BAIAP2L1: variants seen among roughly 807,000 people sequenced by gnomAD.
BAIAP2L1 encodes BAR/IMD domain-containing adapter protein 2-like 1.
In BAIAP2L1, 35 loss-of-function variants were observed where a neutral mutation model predicts 66.3. That is an observed-to-expected ratio of 0.53 (90% CI 0.40 to 0.70). The LOEUF (loss-of-function observed/expected upper bound fraction) is 0.70, where lower values mean the gene tolerates loss of function less well. Among genes scored for constraint, BAIAP2L1 ranks in the 30% least tolerant of loss-of-function variants. The pLI is 0.00. For synonymous variants in BAIAP2L1, 269 were observed against 248.7 expected (o/e 1.08, Z -0.77); for missense variants, 622 against 656.9 (o/e 0.95, Z 0.58).
intron 12 of BAIAP2L1, 133 bp from the exon 13 acceptor site, chr7:98,294,244 T>G: frequency 1.1e-6 from 1 of 880,820 alleles, no homozygotes; most frequent in East Asian, 2.7e-5. Context: ...CCTTCCACCT[T>G]GGCCTCCTAA....
At chr7:98,353,858 A>G (rs1802060348) in intron 3 of BAIAP2L1, among the ~76,000 whole-genome samples, 1 of 150,530 alleles carries the variant, frequency 6.6e-6, no homozygotes, top group Non-Finnish European at 1.5e-5. Flanking sequence ...GCTACTTAGG[A>G]GGCTGAGGCA....
intron 1 of BAIAP2L1, chr7:98,386,653 G>A: frequency 1.1e-6 from 1 of 893,180 alleles, no homozygotes; most frequent in Non-Finnish European, 1.6e-6. Context: ...ACTTTTTTTT[G>A]TCTCTCATCG....
intron 10 of BAIAP2L1, 67 bp downstream of exon 10, chr7:98,307,622 C>T: frequency 6.3e-7 from 1 of 1,592,150 alleles, no homozygotes; most frequent in South Asian, 1.1e-5. Flanking sequence ...AGACAGTTTG[C>T]AGCTTGGCTG....
intron 3 of BAIAP2L1, among the ~76,000 whole-genome samples, chr7:98,343,278 C>CACAG (rs1159972514): frequency 1.3e-5 from 2 of 150,214 alleles, no homozygotes; most frequent in African/African-American, 4.9e-5. Context: ...CACACACACA[C>CACAG]ACACACACAG....
At chr7:98,302,675 A>G (rs1800477402) in intron 12 of BAIAP2L1, among the ~76,000 whole-genome samples, 2 of 152,230 alleles carry the variant, frequency 1.3e-5, no homozygotes, top group South Asian at 4.1e-4. Flanking sequence ...AGAGACTGCT[A>G]AGGACAAGAG....
chr7:98,335,059 A>T (rs1374024515), intron 3 of BAIAP2L1, among the ~76,000 whole-genome samples: 1 of 148,184 alleles, frequency 6.7e-6, no homozygotes, highest in Non-Finnish European at 1.5e-5. Flanking sequence ...AGTCTGAGGC[A>T]GGAGAATGGT....
At position 98,292,743 on chromosome 7, in the gene BAIAP2L1, A is replaced by G; in HGVS notation, c.*778T>C. ...AGCAGTTTGAGTGTACTGGTAATGG[A>G]TGCAGCTTTGGCCAACTAGCTGAGT... On this transcript the variant is annotated 3_prime_UTR_variant, in exon 14 of 14. Transcript: ENST00000005260. 6.4e-7 allele frequency: 1 copy of G among 1,551,280 alleles called. No individual in the cohort carries two copies. Among genetic ancestry groups the G allele is most frequent in the Non-Finnish European group, 8.7e-7 (1 of 1,146,776 alleles).
At chr7:98,310,182 AG>A in intron 9 of BAIAP2L1, 1 of 399,570 alleles carries the variant, frequency 2.5e-6, no homozygotes, top group Non-Finnish European at 4.4e-6. Flanking sequence ...AATTCTCAAC[AG>A]TATGTTTACT....
At chr7:98,328,608 A>G (rs1170786662) in intron 3 of BAIAP2L1, among the ~76,000 whole-genome samples, 1 of 147,786 alleles carries the variant, frequency 6.8e-6, no homozygotes, top group African/African-American at 2.5e-5. Context: ...GCTACTTGGG[A>G]GGCTGAGGTG....
intron 7 of BAIAP2L1, among the ~76,000 whole-genome samples, chr7:98,314,053 T>C (rs1275132774): frequency 1.4e-5 from 2 of 145,794 alleles, no homozygotes; most frequent in South Asian, 4.4e-4. Context: ...TGGTGTGATC[T>C]GGGCTCACTG....
chr7:98,333,200 C>T (rs1801539999), intron 3 of BAIAP2L1, among the ~76,000 whole-genome samples: 2 of 152,262 alleles, frequency 1.3e-5, no homozygotes, highest in South Asian at 4.1e-4. Context: ...GTTTATCTGT[C>T]CACCCCACTA....
Position 98,292,479 on chromosome 7 carries a change from C to A in BAIAP2L1, c.*1042G>T. On this transcript the variant is annotated 3_prime_UTR_variant, in exon 14 of 14. Coordinates refer to ENST00000005260, the MANE Select transcript of BAIAP2L1 (RefSeq NM_018842.5). ...CCTGGGCCGGGCTGGGAATTTTAAC[C>A]ATGACTCTCCACTCCAAAATAGGTC... 1 of 698,790 alleles carries A rather than the reference C, an allele frequency of 1.4e-6. No individual in the cohort carries two copies. Among genetic ancestry groups the A allele is most frequent in the Non-Finnish European group, 2.4e-6 (1 of 417,962 alleles). The allele number at this position is 698,790 out of a possible 1,614,324, so 43.3% of individuals were successfully genotyped here.
intron 2 of BAIAP2L1, among the ~76,000 whole-genome samples, chr7:98,360,788 G>A (rs1802252140): frequency 6.6e-6 from 1 of 152,162 alleles, no homozygotes; most frequent in African/African-American, 2.4e-5. Flanking sequence ...TGGAGGACAG[G>A]GGCACTTGCA....
chr7:98,366,469 T>A (rs999460747), intron 1 of BAIAP2L1, among the ~76,000 whole-genome samples: 2 of 152,104 alleles, frequency 1.3e-5, no homozygotes, highest in Admixed American at 6.6e-5. Context: ...TCCATCAGAC[T>A]CCTTTCCCCA....
At chr7:98,399,452 A>T (rs893863533) in intron 1 of BAIAP2L1, among the ~76,000 whole-genome samples, 2 of 152,180 alleles carry the variant, frequency 1.3e-5, no homozygotes, top group Non-Finnish European at 2.9e-5. Context: ...AAAACCCAGA[A>T]ACTAAAATTT....
Position 98,307,795 on chromosome 7 carries a change from C to T in BAIAP2L1, c.1057G>A (p.Gly353Ser). ...AAGCTGAGTAAGGTCTTGTTGGAGC[C>T]CGCAGTGTGCGGGAAGATGGTCTTC... ...KVKTIFPHTAGSNKTLLSFAQ... is the reference protein window; with the variant it reads ...KVKTIFPHTASSNKTLLSFAQ... Residue 353 changes from glycine to serine, a missense_variant, in exon 10 of 14, where the codon GGC becomes AGC. Physicochemically the swap from Gly to Ser is moderately conservative, Grantham distance 56. Transcript: ENST00000005260. 2 of 1,614,256 alleles carry T rather than the reference C, an allele frequency of 1.2e-6. No homozygotes were observed. Among genetic ancestry groups the T allele is most frequent in the South Asian group, 1.1e-5 (1 of 91,086 alleles).
In BAIAP2L1 at chr7:98,314,985, T is replaced by TGGA. The variant is rs1248413451; in HGVS notation, c.639+474_639+475insTCC. Among the ~76,000 whole-genome samples, 3 of 152,264 alleles carry TGGA rather than the reference T, an allele frequency of 2.0e-5. No individual in the cohort carries two copies. The East Asian group carries it at 5.8e-4, about 29-fold the overall frequency. The stretch of plus-strand genomic sequence containing the variant: ...CATTATACATGGACGTTTGACCATT[T>TGGA]CAGCTGTATTTCTATAAGTTTATAT... On this transcript the variant is annotated intron_variant, in intron 7 of 13. Transcript: ENST00000005260.
chr7:98,376,241 T>C (rs1802625002), intron 1 of BAIAP2L1, among the ~76,000 whole-genome samples: 1 of 151,678 alleles, frequency 6.6e-6, no homozygotes, highest in African/African-American at 2.4e-5. Context: ...CGGGAGCTCA[T>C]ACCTGTAATC....
At chr7:98,394,259 A>AAACAAACAAACAAAC (rs1162627010) in intron 1 of BAIAP2L1, among the ~76,000 whole-genome samples, 2 of 150,692 alleles carry the variant, frequency 1.3e-5, no homozygotes, top group African/African-American at 2.5e-5. Flanking sequence ...ACAAACAAAC[A>AAACAAACAAACAAAC]AAAAAACCCA....
Sources: allele counts gnomAD v4.1 joint callset (sites outside exome capture counted in the v4.1 genomes callset), GRCh38; gene constraint gnomAD v4.1.1; transcripts MANE v1.5; gene names NCBI Gene and HGNC (gene_info 2026-07-23, HGNC 2026-07-21).